Variants in PAK3 observed in about 807,000 individuals in gnomAD.
The protein encoded by PAK3 is serine/threonine-protein kinase PAK 3.
Under a neutral mutation model 41.0 loss-of-function variants are expected in PAK3, and 4 were observed. The ratio of observed to expected loss-of-function variants is 0.10; its 90% CI spans 0.05 to 0.22. PAK3 has a LOEUF of 0.22. Among genes scored for constraint, PAK3 ranks in the 10% least tolerant of loss-of-function variants. The probability of loss-of-function intolerance (pLI) is 1.00; values close to 1 mark genes in which losing one functional copy is unlikely to be tolerated. For synonymous variants in PAK3, 146 were observed against 139.6 expected (o/e 1.05, Z -0.32); for missense variants, 205 against 409.9 (o/e 0.50, Z 4.32).
Position 110,965,061 on chromosome X carries a change from C to G in PAK3, c.-28+20433C>G, listed in dbSNP as rs765763971. ...ACTTGTTATTTTGCTCAGTCCTGACCGTCCAGACAGGGAGCTGATTATCAC... is the reference window on the plus strand; with the variant it reads ...ACTTGTTATTTTGCTCAGTCCTGACGGTCCAGACAGGGAGCTGATTATCAC... On this transcript the variant is annotated intron_variant, in intron 1 of 14. Coordinates refer to the PAK3 transcript ENST00000425146. 2.7e-5 allele frequency among the ~76,000 whole-genome samples: 3 copies of G among 112,014 alleles called. No homozygotes were observed. In the East Asian group the frequency reaches 8.5e-4, roughly 32 times the overall value.
At chrX:110,978,371 G>C (rs1308341312) in intron 1 of PAK3, among the ~76,000 whole-genome samples, 2 of 109,603 alleles carry the variant, frequency 1.8e-5, no homozygotes, top group African/African-American at 3.3e-5. Flanking sequence ...AGGTAGGTTT[G>C]GTTTGTTTTT....
chrX:111,069,024 C>T (rs897093106), intron 1 of PAK3, among the ~76,000 whole-genome samples: 2 of 111,527 alleles, frequency 1.8e-5, no homozygotes, highest in Admixed American at 1.9e-4. Flanking sequence ...GCCTCTATTT[C>T]CCAATCTAGA....
At chrX:111,179,096 A>G (rs894617581) in intron 11 of PAK3, among the ~76,000 whole-genome samples, 1 of 107,711 alleles carries the variant, frequency 9.3e-6, no homozygotes, top group Non-Finnish European at 1.9e-5. Context: ...AACCACTTAT[A>G]TAAAGTATTA....
At chrX:111,004,248 C>T (rs1051884399) in intron 1 of PAK3, among the ~76,000 whole-genome samples, 14 of 111,247 alleles carry the variant, frequency 1.3e-4, no homozygotes, top group African/African-American at 2.0e-4. Flanking sequence ...AGGGGATATG[C>T]GTAGTAGGAG....
At chrX:111,193,495 G>A (rs937200525) in intron 13 of PAK3, among the ~76,000 whole-genome samples, 16 of 109,838 alleles carry the variant, frequency 1.5e-4, no homozygotes, top group Non-Finnish European at 3.0e-4. Context: ...GATTACAGGC[G>A]TGTGTCACCA....
At chrX:111,071,943 CT>C (rs930146774) in intron 1 of PAK3, among the ~76,000 whole-genome samples, 3 of 112,052 alleles carry the variant, frequency 2.7e-5, no homozygotes, top group Non-Finnish European at 5.6e-5. Context: ...ACCAAGGTAG[CT>C]AACAAACAGA....
chrX:111,151,847 T>A (rs1355904680), intron 7 of PAK3, among the ~76,000 whole-genome samples: 3 of 111,804 alleles, frequency 2.7e-5, no homozygotes, highest in Non-Finnish European at 5.6e-5. Flanking sequence ...CCGCAGTTGT[T>A]CTGATAACCA....
chrX:111,070,174 A>G (rs2092731534), intron 1 of PAK3, among the ~76,000 whole-genome samples: 1 of 111,717 alleles, frequency 9.0e-6, no homozygotes, highest in Non-Finnish European at 1.9e-5. Flanking sequence ...CTGTGATTCC[A>G]GGGTAGGGTA....
At chrX:110,963,670 C>T (rs1329388966) in intron 1 of PAK3, among the ~76,000 whole-genome samples, 2 of 112,332 alleles carry the variant, frequency 1.8e-5, no homozygotes, top group Non-Finnish European at 3.8e-5. Context: ...ATTAGGTTTT[C>T]ATCAGGTTCT....
intron 1 of PAK3, among the ~76,000 whole-genome samples, chrX:111,005,862 A>G (rs1055002115): frequency 8.9e-6 from 1 of 111,925 alleles, no homozygotes; most frequent in African/African-American, 3.2e-5. Flanking sequence ...TTTTGTTTAC[A>G]TTAGTGAGGT....
upstream of PAK3, among the ~76,000 whole-genome samples, chrX:111,096,085 C>A (rs887182018): frequency 8.9e-6 from 1 of 111,964 alleles, no homozygotes; most frequent in African/African-American, 3.3e-5. Context: ...CCACTCAGGG[C>A]GATTTTAGTT....
intron 4 of PAK3, among the ~76,000 whole-genome samples, chrX:111,105,676 A>G (rs918546955): frequency 2.7e-5 from 3 of 111,912 alleles, no homozygotes; most frequent in African/African-American, 9.8e-5. Flanking sequence ...TGATACATTC[A>G]CACATAATCA....
At chrX:111,022,479 A>G (rs1160391337) in intron 1 of PAK3, among the ~76,000 whole-genome samples, 2 of 111,885 alleles carry the variant, frequency 1.8e-5, no homozygotes, top group Non-Finnish European at 3.8e-5. Flanking sequence ...AACAAATGCT[A>G]AGAGAATTCG....
intron 7 of PAK3, 114 bp downstream of exon 7, chrX:111,148,004 A>G (rs2093973127): frequency 1.6e-6 from 1 of 640,291 alleles, no homozygotes; most frequent in East Asian, 3.4e-5. Flanking sequence ...CCTTCTTCAA[A>G]TGACATCAAC....
At chrX:111,201,000 A>G (rs979675728) in intron 16 of PAK3, among the ~76,000 whole-genome samples, 24 of 112,361 alleles carry the variant, frequency 2.1e-4, no homozygotes, top group African/African-American at 6.5e-4. Flanking sequence ...CCTGATATCT[A>G]AACAAGTACT....
intron 1 of PAK3, among the ~76,000 whole-genome samples, chrX:110,982,110 G>T (rs1229227052): frequency 8.9e-6 from 1 of 111,807 alleles, no homozygotes; most frequent in East Asian, 2.8e-4. Context: ...TAGTGGAAAG[G>T]AATTGGTTAA....
chrX:111,087,424 A>G (rs1325197091), intron 1 of PAK3, among the ~76,000 whole-genome samples: 1 of 14,612 alleles, frequency 6.8e-5, no homozygotes, highest in African/African-American at 7.1e-5. Flanking sequence ...GCATTATTAC[A>G]AAAAAAAAAA....
At position 111,087,037 on chromosome X, in the gene PAK3, C is replaced by A. The variant is rs572156665; in HGVS notation, c.-27-36040C>A. Among the ~76,000 whole-genome samples, 4 of 110,655 alleles carry A rather than the reference C, an allele frequency of 3.6e-5. No individual in the cohort carries two copies. The South Asian group carries it at 1.5e-3, about 43-fold the overall frequency. ...TTCTATGTTTATAGTATTAATTTGC[C>A]TAGCAACTTGCCCCCTTTCCTTTTT... On this transcript the variant is annotated intron_variant, in intron 1 of 14. Transcript: ENST00000425146.
intron 1 of PAK3, among the ~76,000 whole-genome samples, chrX:111,046,505 T>A (rs1258037302): frequency 9.0e-6 from 1 of 111,661 alleles, no homozygotes; most frequent in Non-Finnish European, 1.9e-5. Context: ...CTTAGAAAAG[T>A]ATAAAATAAA....
Sources: allele counts gnomAD v4.1 joint callset (sites outside exome capture counted in the v4.1 genomes callset), GRCh38; gene constraint gnomAD v4.1.1; transcripts MANE v1.5; gene names NCBI Gene and HGNC (gene_info 2026-07-23, HGNC 2026-07-21).